The following DIS3L2 variants were observed in gnomAD, a reference collection of about 807,000 sequenced individuals.
DIS3L2 encodes the protein DIS3-like exonuclease 2.
DIS3L2 carries 34 observed loss-of-function variants against 97.5 expected under a neutral mutation model. The observed-to-expected ratio is 0.35, with a 90% CI of 0.27 to 0.46. DIS3L2 has a LOEUF of 0.46. Ranked by LOEUF, DIS3L2 falls within the 20% of genes least tolerant of loss-of-function variation. DIS3L2 has a pLI of 1.00. For synonymous variants in DIS3L2, 435 were observed against 445.2 expected (o/e 0.98, Z 0.29); for missense variants, 1,038 against 1,146.0 (o/e 0.91, Z 1.36).
chr2:232,222,732 G>C (rs1398959018), intron 10 of DIS3L2, among the ~76,000 whole-genome samples: 1 of 152,256 alleles, frequency 6.6e-6, no homozygotes, highest in African/African-American at 2.4e-5. Flanking sequence ...CTCCCAAAGT[G>C]CTGGGATTAC....
intron 5 of DIS3L2, among the ~76,000 whole-genome samples, chr2:232,074,913 G>A (rs926771194): frequency 2.0e-5 from 3 of 152,140 alleles, no homozygotes; most frequent in Non-Finnish European, 2.9e-5. Flanking sequence ...AATGGCTAAG[G>A]ACTAGCAGTG....
At chr2:232,180,034 G>T (rs1168152912) in intron 9 of DIS3L2, among the ~76,000 whole-genome samples, 10 of 109,482 alleles carry the variant, frequency 9.1e-5, no homozygotes, top group African/African-American at 2.3e-4. Flanking sequence ...TGGTTTCAAA[G>T]AACATCTTTA....
intron 13 of DIS3L2, among the ~76,000 whole-genome samples, chr2:232,298,736 A>G (rs936717738): frequency 2.6e-5 from 4 of 152,240 alleles, no homozygotes; most frequent in Non-Finnish European, 5.9e-5. Context: ...AATTTTAGTT[A>G]AAATCTCCCT....
At position 232,202,485 on chromosome 2, in the gene DIS3L2, G is replaced by A. The variant is rs143710519; in HGVS notation, c.1125-7841G>A. On this transcript the variant is annotated intron_variant, in intron 9 of 20. Transcript: ENST00000325385. ...CCAATGAGTAAAGGGATGTAACATGGCAGAACATTTCAGTTTGTTTGGATT... is the reference window on the plus strand; with the variant it reads ...CCAATGAGTAAAGGGATGTAACATGACAGAACATTTCAGTTTGTTTGGATT... Among the ~76,000 whole-genome samples the A allele has an allele frequency of 8.5e-5, 13 of 152,328 alleles. No individual in the cohort carries two copies. In the East Asian group the frequency reaches 2.5e-3, roughly 29 times the overall value.
intron 1 of DIS3L2, among the ~76,000 whole-genome samples, chr2:231,992,763 T>C (rs1031559033): frequency 2.6e-5 from 4 of 152,194 alleles, no homozygotes; most frequent in African/African-American, 9.6e-5. Context: ...TTGATTTTCT[T>C]TCTCTTTTCC....
chr2:231,974,381 TCA>T (rs1693013873), intron 1 of DIS3L2, among the ~76,000 whole-genome samples: 1 of 152,104 alleles, frequency 6.6e-6, no homozygotes, highest in Non-Finnish European at 1.5e-5. Flanking sequence ...AATTTTTTTT[TCA>T]GTCTTTTTTC....
chr2:232,327,126 C>T (rs1695600562), intron 14 of DIS3L2, among the ~76,000 whole-genome samples: 3 of 152,050 alleles, frequency 2.0e-5, no homozygotes, highest in Non-Finnish European at 4.4e-5. Flanking sequence ...GAGAGGCCCC[C>T]AGATATTCAA....
chr2:232,144,234 C>T (rs1690153654), intron 8 of DIS3L2, among the ~76,000 whole-genome samples: 1 of 152,138 alleles, frequency 6.6e-6, no homozygotes, highest in South Asian at 2.1e-4. Context: ...TCTAGCCAAA[C>T]CATTCCCAAA....
At chr2:232,110,570 C>T (rs905475139) in intron 6 of DIS3L2, among the ~76,000 whole-genome samples, 2 of 152,122 alleles carry the variant, frequency 1.3e-5, no homozygotes, top group African/African-American at 2.4e-5. Flanking sequence ...AGCTGGAGGC[C>T]ATTATCCTTT....
At chr2:232,270,844 G>A (rs1239156736) in intron 13 of DIS3L2, among the ~76,000 whole-genome samples, 5 of 147,122 alleles carry the variant, frequency 3.4e-5, no homozygotes, top group East Asian at 2.2e-4. Context: ...GCGCACTCGC[G>A]CGCTCTCTTT....
At chr2:232,175,487 G>A (rs1691124843) in intron 9 of DIS3L2, among the ~76,000 whole-genome samples, 1 of 152,168 alleles carries the variant, frequency 6.6e-6, no homozygotes, top group African/African-American at 2.4e-5. Flanking sequence ...GATAACTTTG[G>A]TTTTATGTGA....
At chr2:232,326,916 G>C (rs1315454434) in intron 14 of DIS3L2, among the ~76,000 whole-genome samples, 1 of 151,272 alleles carries the variant, frequency 6.6e-6, no homozygotes, top group Non-Finnish European at 1.5e-5. Context: ...GACTGTGCTG[G>C]GGGTCCAGGG....
chr2:232,018,174 C>T (rs146836797), intron 3 of DIS3L2, among the ~76,000 whole-genome samples: 20 of 152,240 alleles, frequency 1.3e-4, no homozygotes, highest in Middle Eastern at 6.8e-3. Flanking sequence ...GAGAGGACAG[C>T]GAAGGAGAGG....
chr2:232,139,429 G>A (rs1698449598), intron 8 of DIS3L2, among the ~76,000 whole-genome samples: 1 of 152,260 alleles, frequency 6.6e-6, no homozygotes, highest in South Asian at 2.1e-4. Flanking sequence ...GAATTTCTAT[G>A]GTGGAAAATC....
At chr2:232,031,624 ATTTC>A (rs1694806352) in intron 5 of DIS3L2, among the ~76,000 whole-genome samples, 1 of 150,814 alleles carries the variant, frequency 6.6e-6, no homozygotes, top group Non-Finnish European at 1.5e-5. Flanking sequence ...TATATTAGGT[ATTTC>A]TTCTAATGCT....
rs550944135 is a variant in DIS3L2, at chr2:232,263,140, C to G, written c.1426-67C>G. On this transcript the variant is annotated intron_variant, in intron 12 of 20. Transcript: ENST00000325385. ...TTGTTGAATGTGTATGGATGAATGG[C>G]TGAAGGAAGAAAAACCTGAAAAACA... 2.1e-5 allele frequency: 31 copies of G among 1,508,406 alleles called. No individual in the cohort carries two copies. The East Asian group carries it at 7.1e-4, about 35-fold the overall frequency. 93.4% of individuals were successfully genotyped at this position (1,508,406 alleles called of 1,614,324 possible). A position where few individuals can be genotyped will look rare whatever the true frequency, so the allele number is the denominator to read the frequency against.
intron 10 of DIS3L2, among the ~76,000 whole-genome samples, chr2:232,210,718 A>G (rs967164003): frequency 3.3e-5 from 5 of 152,204 alleles, no homozygotes; most frequent in African/African-American, 1.2e-4. Flanking sequence ...GTGTTGGTGT[A>G]AGGTATCACA....
At chr2:232,136,125 A>G (rs1395574574) in intron 7 of DIS3L2, among the ~76,000 whole-genome samples, 1 of 152,204 alleles carries the variant, frequency 6.6e-6, no homozygotes, top group Non-Finnish European at 1.5e-5. Flanking sequence ...GTGAGATACT[A>G]GTATTGTTCA....
intron 9 of DIS3L2, among the ~76,000 whole-genome samples, chr2:232,203,202 A>AT (rs927534556): frequency 6.6e-6 from 1 of 151,946 alleles, no homozygotes; most frequent in Non-Finnish European, 1.5e-5. Context: ...TTATTTCTTA[A>AT]TTTTTTTTCC....
Sources: allele counts gnomAD v4.1 joint callset (sites outside exome capture counted in the v4.1 genomes callset), GRCh38; gene constraint gnomAD v4.1.1; transcripts MANE v1.5; gene names NCBI Gene and HGNC (gene_info 2026-07-23, HGNC 2026-07-21).